Variants in MRC1 observed in about 807,000 individuals in gnomAD.
The protein encoded by MRC1 is mannose receptor C-type 1, also known as macrophage mannose receptor 1.
Under a neutral mutation model 102.9 loss-of-function variants are expected in MRC1, and 62 were observed. The observed-to-expected ratio is 0.60, with a 90% CI of 0.49 to 0.74. MRC1 has a LOEUF of 0.74. MRC1 is among the 30% of genes least tolerant of loss of function. The pLI is 0.00. For synonymous variants in MRC1, 457 were observed against 298.4 expected (o/e 1.53, Z -5.48); for missense variants, 1,237 against 862.8 (o/e 1.43, Z -5.43).
At chr10:17,810,250 T>A (rs1838202361) in intron 1 of MRC1, among the ~76,000 whole-genome samples, 1 of 152,220 alleles carries the variant, frequency 6.6e-6, no homozygotes, top group South Asian at 2.1e-4. Context: ...TTGCTTAAAC[T>A]TCAGGATGGG....
chr10:17,888,968 G>C (rs2130702616), intron 22 of MRC1, among the ~76,000 whole-genome samples: 2 of 152,234 alleles, frequency 1.3e-5, no homozygotes, highest in Non-Finnish European at 2.9e-5. Context: ...ATACACAGTA[G>C]AGACTGTTAT....
intron 4 of MRC1, among the ~76,000 whole-genome samples, chr10:17,835,597 C>T (rs559684514): frequency 6.6e-6 from 1 of 152,184 alleles, no homozygotes; most frequent in Non-Finnish European, 1.5e-5. Context: ...TTTATGACCC[C>T]TCTTCCCCCA....
chr10:17,893,548 C>T (rs1177397740), intron 22 of MRC1, among the ~76,000 whole-genome samples: 1 of 151,988 alleles, frequency 6.6e-6, no homozygotes, highest in Non-Finnish European at 1.5e-5. Flanking sequence ...TTTCTCTTAC[C>T]TCTACTCCAA....
chr10:17,827,383 A>ACC (rs1838494550), intron 2 of MRC1, among the ~76,000 whole-genome samples, 159 bp from the exon 3 acceptor site: 1 of 43,236 alleles, frequency 2.3e-5, no homozygotes, highest in African/African-American at 1.5e-4. Flanking sequence ...AAAAAAAAAA[A>ACC]AAAAAAAAAA....
chr10:17,905,481 T>C (rs931834071), intron 26 of MRC1, among the ~76,000 whole-genome samples: 330 of 152,270 alleles, frequency 2.2e-3, no homozygotes, highest in African/African-American at 7.2e-3. Context: ...TGAACTTTTG[T>C]AATTAAAAAA....
chr10:17,821,754 G>A (rs1838399739), intron 1 of MRC1, among the ~76,000 whole-genome samples: 1 of 152,144 alleles, frequency 6.6e-6, no homozygotes, highest in Admixed American at 6.5e-5. Flanking sequence ...AAATGCTTTG[G>A]AAACACTGAA....
chr10:17,884,604 TGCAAA>T (rs1271417091), intron 21 of MRC1, among the ~76,000 whole-genome samples: 1 of 152,106 alleles, frequency 6.6e-6, no homozygotes, highest in Non-Finnish European at 1.5e-5. Context: ...GAGAGAGAAG[TGCAAA>T]GCAAAGCATT....
At chr10:17,811,047 C>G (rs1218506908) in intron 1 of MRC1, among the ~76,000 whole-genome samples, 1 of 152,208 alleles carries the variant, frequency 6.6e-6, no homozygotes, top group African/African-American at 2.4e-5. Flanking sequence ...CCCTCCTCAG[C>G]CTCCCAAAGT....
intron 1 of MRC1, among the ~76,000 whole-genome samples, chr10:17,816,307 G>C (rs1838311848): frequency 6.6e-6 from 1 of 152,188 alleles, no homozygotes; most frequent in Non-Finnish European, 1.5e-5. Flanking sequence ...TCTGGTTTGA[G>C]GGCAAGTTAG....
At chr10:17,809,954 C>T (rs1838198009) in intron 1 of MRC1, among the ~76,000 whole-genome samples, 1 of 152,136 alleles carries the variant, frequency 6.6e-6, no homozygotes, top group South Asian at 2.1e-4. Context: ...CTGATGTCTC[C>T]CCGCGTCTTA....
intron 18 of MRC1, among the ~76,000 whole-genome samples, chr10:17,878,368 C>T (rs919318487): frequency 5.3e-5 from 8 of 152,254 alleles, no homozygotes; most frequent in South Asian, 4.2e-4. Context: ...TTGCCCTGTT[C>T]CCTGTGTTAG....
chr10:17,856,968 G>A (rs1181458392), intron 9 of MRC1, among the ~76,000 whole-genome samples: 3 of 151,848 alleles, frequency 2.0e-5, no homozygotes, highest in African/African-American at 7.3e-5. Flanking sequence ...CAGGGTTTAT[G>A]GTTATCATTT....
chr10:17,862,391 A>G lies in MRC1; in HGVS notation c.1634+889A>G, dbSNP rs1227023598. ...GAAACTCAGAACGTAGGTACTTTTT[A>G]TCTTCTGTGAGGGAGGTAAACTGCT... On this transcript the variant is annotated intron_variant, in intron 10 of 29. Transcript: ENST00000569591. 2.6e-5 allele frequency among the ~76,000 whole-genome samples: 4 copies of G among 152,308 alleles called. No individual in the cohort carries two copies. In the East Asian group the frequency reaches 7.7e-4, roughly 29 times the overall value.
chr10:17,886,756 G>A (rs1833602295), intron 22 of MRC1, among the ~76,000 whole-genome samples: 1 of 152,106 alleles, frequency 6.6e-6, no homozygotes, highest in African/African-American at 2.4e-5. Flanking sequence ...TTAGCAAAAG[G>A]TTGAGAAAGG....
chr10:17,894,084 TAA>T (rs1833718298), intron 22 of MRC1, 124 bp from the exon 23 acceptor site: 4 of 722,980 alleles, frequency 5.5e-6, no homozygotes, highest in Middle Eastern at 3.6e-4. Flanking sequence ...GAGCATATCT[TAA>T]GTTAGGACAA....
In MRC1 at chr10:17,890,217, A is replaced by G. The variant is rs1302446478; in HGVS notation, c.3148-3993A>G. Reference sequence around the variant, plus strand: ...CTATTCTTGCTTCTTTAGAGATAAGATTTTTTTTTTCGTCTGGCTTCTTTC... The same window carrying G: ...CTATTCTTGCTTCTTTAGAGATAAGGTTTTTTTTTTCGTCTGGCTTCTTTC... On this transcript the variant is annotated intron_variant, in intron 22 of 29. Transcript: ENST00000569591. Among the ~76,000 whole-genome samples, 3 of 149,998 alleles carry G rather than the reference A, an allele frequency of 2.0e-5. No individual in the cohort carries two copies. The East Asian group carries it at 5.9e-4, about 29-fold the overall frequency.
chr10:17,878,094 GC>G (rs1833461902), intron 18 of MRC1, 127 bp downstream of exon 18: 1 of 650,088 alleles, frequency 1.5e-6, no homozygotes, highest in African/African-American at 1.8e-5. Context: ...AATTGAAAAA[GC>G]AACTTGAAAA....
chr10:17,865,254 A>G (rs916970849), intron 11 of MRC1, among the ~76,000 whole-genome samples: 5,706 of 152,320 alleles, frequency 0.037, 373 homozygotes, highest in African/African-American at 0.13. Context: ...AATAAGGGAA[A>G]TAGATCAGTA....
At position 17,870,854 on chromosome 10, in the gene MRC1, T is replaced by A; in HGVS notation, c.2118T>A (p.Ser706Arg). ...TATGTTTTGGATTTCATAGAGCTAG[T>A]GGAAGCTACCACAAACTGTTTTGGT... ...QQTIWRLITA[S>R]GSYHKLFWLG... The change falls in exon 14 of 30, where the codon AGT (serine) becomes AGA (arginine). Residue 706 changes from serine to arginine, a missense_variant. Transcript: ENST00000569591. 1.1e-6 allele frequency: 1 copy of A among 872,436 alleles called. No individual in the cohort carries two copies. The allele number at this position is 872,436 out of a possible 1,614,324, so 54.0% of individuals were successfully genotyped here. A position where few individuals can be genotyped will look rare whatever the true frequency, so the allele number is the denominator to read the frequency against.
Sources: allele counts gnomAD v4.1 joint callset (sites outside exome capture counted in the v4.1 genomes callset), GRCh38; gene constraint gnomAD v4.1.1; transcripts MANE v1.5; gene names NCBI Gene and HGNC (gene_info 2026-07-23, HGNC 2026-07-21).